Variants in HCRTR2 observed in about 807,000 individuals in gnomAD.
The protein encoded by HCRTR2 is orexin receptor type 2.
In HCRTR2, 22 loss-of-function variants were observed where a neutral mutation model predicts 49.0. That is an observed-to-expected ratio of 0.45 (90% CI 0.32 to 0.64). The LOEUF (loss-of-function observed/expected upper bound fraction) is 0.64. Among genes scored for constraint, HCRTR2 ranks in the 30% least tolerant of loss-of-function variants. The pLI is 0.04. For synonymous variants in HCRTR2, 236 were observed against 205.3 expected, an observed-to-expected ratio of 1.15 and a Z score of -1.28; for missense variants, 491 against 559.4, an observed-to-expected ratio of 0.88 and a Z score of 1.23.
intron 1 of HCRTR2, among the ~76,000 whole-genome samples, chr6:55,134,453 T>G (rs1169226164): frequency 6.6e-6 from 1 of 151,816 alleles, no homozygotes; most frequent in Non-Finnish European, 1.5e-5. Flanking sequence ...ATAGGTACCA[T>G]TTGTGTGTGT....
intron 2 of HCRTR2, among the ~76,000 whole-genome samples, chr6:55,253,297 G>A (rs967379961): frequency 4.6e-5 from 7 of 152,002 alleles, no homozygotes; most frequent in Non-Finnish European, 1.0e-4. Flanking sequence ...TAGCTGATCA[G>A]AGAGAGAGAA....
At chr6:55,155,531 A>G (rs1314554301) in intron 1 of HCRTR2, among the ~76,000 whole-genome samples, 1 of 151,982 alleles carries the variant, frequency 6.6e-6, no homozygotes, top group Non-Finnish European at 1.5e-5. Context: ...GTTGTCTTTC[A>G]GGCAAGATAT....
At chr6:55,255,634 T>C (rs1448965733) in intron 3 of HCRTR2, among the ~76,000 whole-genome samples, 1 of 152,228 alleles carries the variant, frequency 6.6e-6, no homozygotes, top group Non-Finnish European at 1.5e-5. Context: ...AGGAGATTAT[T>C]CTACAATTCA....
rs149740228 is a variant in HCRTR2, at chr6:55,188,731, C to T, written c.223+13921C>T. Among the ~76,000 whole-genome samples, 32 of 152,262 alleles carry T rather than the reference C, an allele frequency of 2.1e-4. No homozygotes were observed. In the East Asian group the frequency reaches 6.2e-3, roughly 29 times the overall value. ...TTCTTACCTACAAGGAATTTCTAATCTTGTGGGGGAGACTAACATGTAAAC... is the reference window on the plus strand; with the variant it reads ...TTCTTACCTACAAGGAATTTCTAATTTTGTGGGGGAGACTAACATGTAAAC... On this transcript the variant is annotated intron_variant, in intron 1 of 6. Transcript: ENST00000370862.
rs138996618 is a variant in HCRTR2, at chr6:55,256,696, C to CAA, written c.646+1326_646+1327dup. Among the ~76,000 whole-genome samples, 947 of 147,686 alleles carry CAA rather than the reference C, an allele frequency of 6.4e-3. 10 individuals are homozygous for CAA. The highest frequency in any genetic ancestry group is 0.022 in the African/African-American group (899 of 40,462). ...CAATTTTCCAAATTAATAGTGCAGA[C>CAA]AAAAAAAAAATCAATGGAAATTTCC... On this transcript the variant is annotated intron_variant, in intron 3 of 6. Transcript: ENST00000370862.
At chr6:55,218,305 A>G (rs1161804634) in intron 1 of HCRTR2, among the ~76,000 whole-genome samples, 1 of 152,220 alleles carries the variant, frequency 6.6e-6, no homozygotes, top group Admixed American at 6.5e-5. Context: ...GTCACTACAA[A>G]AAAATTAATG....
At chr6:55,170,331 A>G (rs1379547361), upstream of HCRTR2, among the ~76,000 whole-genome samples, 4 of 149,396 alleles carry the variant, frequency 2.7e-5, no homozygotes, top group African/African-American at 9.7e-5. Context: ...ATATATACAT[A>G]GTATTTGTAT....
intron 1 of HCRTR2, among the ~76,000 whole-genome samples, chr6:55,212,907 A>G (rs1374395313): frequency 6.6e-6 from 1 of 152,222 alleles, no homozygotes; most frequent in Non-Finnish European, 1.5e-5. Context: ...AAACAAAGTC[A>G]GTATCTCAAA....
intron 1 of HCRTR2, among the ~76,000 whole-genome samples, chr6:55,152,869 A>G (rs971654511): frequency 2.0e-5 from 3 of 151,928 alleles, no homozygotes; most frequent in African/African-American, 7.2e-5. Context: ...TTGACTTTTC[A>G]TTCTTTTGTT....
At chr6:55,128,145 G>T (rs1289861901) in intron 1 of HCRTR2, among the ~76,000 whole-genome samples, 2 of 152,086 alleles carry the variant, frequency 1.3e-5, no homozygotes, top group Non-Finnish European at 2.9e-5. Context: ...CATATGGCTG[G>T]CTAGTTATCC....
chr6:55,167,410 T>A (rs1764892443), intron 1 of HCRTR2, among the ~76,000 whole-genome samples: 1 of 149,544 alleles, frequency 6.7e-6, no homozygotes, highest in African/African-American at 2.5e-5. Context: ...CAATGGATCA[T>A]TTTTTTTTTC....
rs1562023606 is a variant in HCRTR2, at chr6:55,255,171, C to T, written c.438C>T (p.Ser146=). The T allele has an allele frequency of 3.7e-6, 6 of 1,613,916 alleles. No homozygotes were observed. Among genetic ancestry groups the T allele is most frequent in the Non-Finnish European group, 4.2e-6 (5 of 1,179,882 alleles). The change falls in exon 3 of 7, where the codon AGC becomes AGT. Residue 146 remains serine (S), a synonymous_variant. Transcript: ENST00000370862. The stretch of plus-strand genomic sequence containing the variant: ...TGTCTGTGTCTGTCCTCACACTGAG[C>T]TGTATCGCCTTGGATCGGTGGTATG... The part of the protein sequence containing the change: ...VSVSVSVLTL[S]CIALDRWYAI...
chr6:55,259,382 A>C (rs1194446647), intron 3 of HCRTR2, among the ~76,000 whole-genome samples: 1 of 152,160 alleles, frequency 6.6e-6, no homozygotes, highest in Non-Finnish European at 1.5e-5. Flanking sequence ...TTAAAGATTC[A>C]GGTAAACTTA....
intron 1 of HCRTR2, among the ~76,000 whole-genome samples, chr6:55,139,441 A>G (rs903486975): frequency 6.6e-6 from 1 of 151,204 alleles, no homozygotes; most frequent in African/African-American, 2.4e-5. Context: ...AGATTGATAT[A>G]CTAAATTAAC....
At chr6:55,194,876 TTATAAAACAACACA>T (rs140427642) in intron 1 of HCRTR2, among the ~76,000 whole-genome samples, 20,830 of 152,086 alleles carry the variant, frequency 0.14, 1,850 homozygotes, top group Admixed American at 0.26. Flanking sequence ...TCTTGTATTG[TTATAAAACAACACA>T]ATTTTATGGC....
intron 1 of HCRTR2, among the ~76,000 whole-genome samples, chr6:55,197,660 C>A (rs919593253): frequency 3.3e-5 from 5 of 152,212 alleles, no homozygotes; most frequent in African/African-American, 1.2e-4. Context: ...CTCGCTCTGT[C>A]TCCCAGGTTG....
At chr6:55,257,473 G>A (rs983632736) in intron 3 of HCRTR2, among the ~76,000 whole-genome samples, 6 of 151,582 alleles carry the variant, frequency 4.0e-5, no homozygotes, top group African/African-American at 9.7e-5. Context: ...CTAATATTCC[G>A]GCAATTAGTT....
chr6:55,227,257 C>T (rs1766026673), intron 1 of HCRTR2, among the ~76,000 whole-genome samples: 1 of 152,088 alleles, frequency 6.6e-6, no homozygotes, highest in African/African-American at 2.4e-5. Context: ...GAGAATTAGT[C>T]ATGGAGATAT....
intron 1 of HCRTR2, among the ~76,000 whole-genome samples, chr6:55,212,816 G>T (rs1765720042): frequency 6.6e-6 from 1 of 152,148 alleles, no homozygotes; most frequent in Non-Finnish European, 1.5e-5. Flanking sequence ...GTGATTAAGT[G>T]ATGTTATCTT....
Sources: gnomAD v4.1 joint callset for allele counts (sites outside exome capture counted in the v4.1 genomes callset) on GRCh38, gnomAD v4.1.1 for gene constraint, MANE v1.5 for transcripts, NCBI Gene and HGNC (gene_info 2026-07-23, HGNC 2026-07-21) for gene names.